Variants in ADAM10 observed in about 807,000 individuals in gnomAD.
The protein encoded by ADAM10 is disintegrin and metalloproteinase domain-containing protein 10.
Under a neutral mutation model 90.1 loss-of-function variants are expected in ADAM10, and 17 were observed. The observed-to-expected ratio is 0.19, with a 90% CI of 0.13 to 0.28. The LOEUF (loss-of-function observed/expected upper bound fraction) is 0.28. Ranked by LOEUF, ADAM10 falls within the 10% of genes least tolerant of loss-of-function variation. The pLI, the probability that ADAM10 is intolerant of heterozygous loss-of-function variation, is 1.00. For missense variants in ADAM10, 610 were observed against 914.3 expected (o/e 0.67, Z 4.29); for synonymous variants, 310 against 298.6 (o/e 1.04, Z -0.40).
intron 6 of ADAM10, among the ~76,000 whole-genome samples, chr15:58,644,461 T>G (rs1896497949): frequency 6.6e-6 from 1 of 152,110 alleles, no homozygotes; most frequent in Non-Finnish European, 1.5e-5. Flanking sequence ...ACTCCTGACC[T>G]CAAGTGACCC....
chr15:58,633,818 GGCACATGA>G (rs1308000794), intron 8 of ADAM10, among the ~76,000 whole-genome samples: 1 of 151,452 alleles, frequency 6.6e-6, no homozygotes, highest in African/African-American at 2.4e-5. Context: ...GAAGCAGTGA[GGCACATGA>G]GCACATGATT....
chr15:58,618,318 T>C (rs1895680432), intron 11 of ADAM10, among the ~76,000 whole-genome samples: 1 of 152,138 alleles, frequency 6.6e-6, no homozygotes, highest in Admixed American at 6.5e-5. Context: ...TGGATACCTA[T>C]ATGCAGAAAA....
chr15:58,739,358 A>G (rs1253758676), intron 1 of ADAM10, among the ~76,000 whole-genome samples: 3 of 151,326 alleles, frequency 2.0e-5, no homozygotes, highest in African/African-American at 7.3e-5. Flanking sequence ...TACAAAAAAA[A>G]AAAAAAAAAT....
At chr15:58,712,514 G>A (rs1375557590) in intron 2 of ADAM10, among the ~76,000 whole-genome samples, 4 of 116,778 alleles carry the variant, frequency 3.4e-5, no homozygotes, top group Non-Finnish European at 5.9e-5. Context: ...ACAGAGCCCG[G>A]CCCTGTTTCA....
At chr15:58,655,696 G>GTATATATATATATAGTATATA (rs1431752036) in intron 5 of ADAM10, among the ~76,000 whole-genome samples, 8 of 68,258 alleles carry the variant, frequency 1.2e-4, no homozygotes, top group Non-Finnish European at 1.9e-4. Flanking sequence ...ATTATATATA[G>GTATATATATATATAGTATATA]TATATATATA....
chr15:58,724,665 C>T (rs973462158), intron 1 of ADAM10, among the ~76,000 whole-genome samples: 1 of 152,182 alleles, frequency 6.6e-6, no homozygotes, highest in Admixed American at 6.5e-5. Context: ...GCTCCAGCCA[C>T]CTCAAGTGGG....
chr15:58,619,972 T>A (rs922387840), intron 11 of ADAM10, among the ~76,000 whole-genome samples: 7 of 152,066 alleles, frequency 4.6e-5, no homozygotes, highest in Admixed American at 4.6e-4. Flanking sequence ...TGTGCGACTT[T>A]TTTTTTTAAT....
chr15:58,685,432 C>T (rs551282198), intron 2 of ADAM10, among the ~76,000 whole-genome samples: 2 of 150,996 alleles, frequency 1.3e-5, no homozygotes, highest in Admixed American at 1.3e-4. Flanking sequence ...CACTGCACTG[C>T]AGCCTAGGTG....
intron 1 of ADAM10, among the ~76,000 whole-genome samples, chr15:58,745,123 C>T (rs1381248284): frequency 6.6e-6 from 1 of 152,198 alleles, no homozygotes; most frequent in East Asian, 1.9e-4. Flanking sequence ...ACGGAGGTTG[C>T]AGTGAGCCAA....
intron 2 of ADAM10, among the ~76,000 whole-genome samples, chr15:58,714,411 G>A (rs1007860638): frequency 6.6e-6 from 1 of 151,672 alleles, no homozygotes; most frequent in Non-Finnish European, 1.5e-5. Flanking sequence ...GTATGTCTAA[G>A]TTAACTGCAC....
intron 4 of ADAM10, among the ~76,000 whole-genome samples, chr15:58,673,976 G>A (rs1447439892): frequency 3.9e-5 from 6 of 151,926 alleles, no homozygotes; most frequent in South Asian, 2.1e-4. Context: ...CTCGTGATCC[G>A]CCTGCCTCAG....
intron 2 of ADAM10, among the ~76,000 whole-genome samples, chr15:58,715,203 C>G (rs1292550311): frequency 2.0e-5 from 3 of 152,070 alleles, no homozygotes; most frequent in Admixed American, 6.6e-5. Flanking sequence ...GAGCGGATCA[C>G]TTGAAATCAG....
chr15:58,726,567 C>CAAAAAA lies in ADAM10; in HGVS notation c.56-8846_56-8841dup, dbSNP rs71116593. 6.6e-3 allele frequency among the ~76,000 whole-genome samples: 138 copies of CAAAAAA among 20,776 alleles called. 25 individuals carry two copies. The highest frequency in any genetic ancestry group is 0.013 in the East Asian group (4 of 320). The allele number at this position is 20,776 out of a possible 152,430, so 13.6% of individuals were successfully genotyped here. A position where few individuals can be genotyped will look rare whatever the true frequency, so the allele number is the denominator to read the frequency against. The stretch of plus-strand genomic sequence containing the variant: ...GCGACAGAGCGAGACCTCAGTCTCC[C>CAAAAAA]AAAAAAAAAAAAAAAAAAAAAAAAA... On this transcript the variant is annotated intron_variant, in intron 1 of 15. Coordinates refer to ENST00000260408, the MANE Select transcript of ADAM10 (RefSeq NM_001110.4).
intron 14 of ADAM10, among the ~76,000 whole-genome samples, chr15:58,609,005 A>G (rs1484332132): frequency 6.6e-6 from 1 of 152,072 alleles, no homozygotes; most frequent in African/African-American, 2.4e-5. Context: ...TATTAGAGAC[A>G]ATCAGAAAAA....
intron 5 of ADAM10, among the ~76,000 whole-genome samples, chr15:58,654,234 TCTA>T (rs1355551860): frequency 2.6e-5 from 4 of 152,210 alleles, no homozygotes; most frequent in African/African-American, 9.6e-5. Flanking sequence ...TTTCTTTTCT[TCTA>T]CTAATTTCGG....
intron 9 of ADAM10, among the ~76,000 whole-genome samples, chr15:58,630,927 G>A (rs1401117575): frequency 6.6e-6 from 1 of 152,168 alleles, no homozygotes; most frequent in East Asian, 1.9e-4. Context: ...GGTCATGGGG[G>A]CAGATCCCTC....
intron 5 of ADAM10, among the ~76,000 whole-genome samples, chr15:58,662,517 T>C (rs1425207813): frequency 1.3e-5 from 2 of 151,932 alleles, no homozygotes; most frequent in Non-Finnish European, 2.9e-5. Context: ...TAATAATAAT[T>C]ATTACTATTA....
Position 58,602,937 on chromosome 15 carries a change from T to C in ADAM10, c.2026-3213A>G, listed in dbSNP as rs144556231. 6.9e-3 allele frequency among the ~76,000 whole-genome samples: 1,047 copies of C among 152,326 alleles called. 14 individuals carry two copies. The highest frequency in any genetic ancestry group is 0.024 in the African/African-American group (1,001 of 41,564). On this transcript the variant is annotated intron_variant, in intron 14 of 15. Coordinates refer to ENST00000260408, the MANE Select transcript of ADAM10 (RefSeq NM_001110.4). ...TTTCAAGAGAAGCAATATATCCGAA[T>C]TTTTATTTAAAATCTATTTTTAAAT... is the stretch of plus-strand genomic sequence containing the variant.
intron 9 of ADAM10, among the ~76,000 whole-genome samples, chr15:58,630,643 A>G (rs1417210949): frequency 6.6e-6 from 1 of 152,220 alleles, no homozygotes; most frequent in Non-Finnish European, 1.5e-5. Flanking sequence ...GCAGTTTATA[A>G]TAGGTGCACA....
Sources: allele counts gnomAD v4.1 joint callset (sites outside exome capture counted in the v4.1 genomes callset), GRCh38; gene constraint gnomAD v4.1.1; transcripts MANE v1.5; gene names NCBI Gene and HGNC (gene_info 2026-07-23, HGNC 2026-07-21).